Variants in ME3 observed in about 807,000 individuals in gnomAD.
ME3 encodes malic enzyme 3.
Under a neutral mutation model 68.9 loss-of-function variants are expected in ME3, and 48 were observed. The ratio of observed to expected loss-of-function variants is 0.70; its 90% confidence interval spans 0.55 to 0.89. The LOEUF (loss-of-function observed/expected upper bound fraction) is 0.89, where lower values mean the gene tolerates loss of function less well. ME3 is among the 40% of genes least tolerant of loss of function. The pLI, the probability that ME3 is intolerant of heterozygous loss-of-function variation, is 0.00. For missense variants in ME3, 675 were observed against 797.4 expected, an observed-to-expected ratio of 0.85 and a Z score of 1.85; for synonymous variants, 320 against 318.8, an observed-to-expected ratio of 1.00 and a Z score of -0.04.
intron 2 of ME3, among the ~76,000 whole-genome samples, chr11:86,597,978 C>T (rs1375161423): frequency 3.3e-5 from 5 of 151,998 alleles, no homozygotes; most frequent in East Asian, 1.9e-4. Flanking sequence ...CCAAGATGGC[C>T]GAATAGGAAC....
chr11:86,441,214 A>G, exon 15 of ME3: 1 of 1,361,200 alleles, frequency 7.3e-7, no homozygotes, highest in Non-Finnish European at 9.7e-7. Context: ...CCATTTTGGA[A>G]CCCATTTATA....
chr11:86,532,369 C>A (rs1334743845), intron 4 of ME3, among the ~76,000 whole-genome samples: 1 of 152,142 alleles, frequency 6.6e-6, no homozygotes, highest in East Asian at 1.9e-4. Flanking sequence ...CAAAATGGAT[C>A]TACAGATATA....
intron 12 of ME3, 133 bp downstream of exon 12, chr11:86,446,932 G>A: frequency 6.5e-6 from 8 of 1,235,242 alleles, no homozygotes; most frequent in Non-Finnish European, 8.8e-6. Flanking sequence ...TTGACCTTGG[G>A]CATGTTACTT....
intron 9 of ME3, 88 bp from the exon 10 acceptor site, chr11:86,450,090 TC>T (rs1344622252): frequency 3.6e-5 from 42 of 1,172,168 alleles, no homozygotes; most frequent in Non-Finnish European, 4.8e-5. Flanking sequence ...GACCCCCTTT[TC>T]TTTCCCCCAC....
intron 2 of ME3, chr11:86,667,603 T>C (rs1445102821): frequency 6.6e-6 from 1 of 152,184 alleles, no homozygotes; most frequent in Non-Finnish European, 1.5e-5. Context: ...AGACAGAGTG[T>C]CTGTCCCCAT....
intron 2 of ME3, among the ~76,000 whole-genome samples, chr11:86,638,243 TC>T (rs2135366060): frequency 6.6e-6 from 1 of 152,232 alleles, no homozygotes; most frequent in South Asian, 2.1e-4. Flanking sequence ...ACTGGAAACT[TC>T]CTCCTAAATG....
intron 2 of ME3, among the ~76,000 whole-genome samples, chr11:86,652,612 A>C (rs1945530176): frequency 2.6e-5 from 4 of 152,110 alleles, no homozygotes; most frequent in Admixed American, 2.0e-4. Flanking sequence ...CATGGAAAGG[A>C]ACAACCAGTA....
chr11:86,602,799 A>G (rs1247713277), intron 2 of ME3, among the ~76,000 whole-genome samples: 9 of 152,178 alleles, frequency 5.9e-5, no homozygotes, highest in Non-Finnish European at 1.3e-4. Flanking sequence ...AACGCCACAT[A>G]TCTACAACTA....
intron 7 of ME3, among the ~76,000 whole-genome samples, chr11:86,482,832 C>G (rs1468531147): frequency 6.6e-6 from 1 of 152,004 alleles, no homozygotes; most frequent in Admixed American, 6.5e-5. Flanking sequence ...GAGCCCGCTC[C>G]CAGCTAGTTA....
chr11:86,598,515 G>C (rs1358304519), intron 2 of ME3, among the ~76,000 whole-genome samples: 1 of 152,204 alleles, frequency 6.6e-6, no homozygotes, highest in East Asian at 1.9e-4. Context: ...TCCACCTCTG[G>C]GGGCAGGGCA....
chr11:86,606,359 G>A (rs1156315991), intron 2 of ME3, among the ~76,000 whole-genome samples: 3 of 150,076 alleles, frequency 2.0e-5, no homozygotes, highest in Non-Finnish European at 4.4e-5. Context: ...TCTCAGGGAC[G>A]TGCCTCATCA....
intron 2 of ME3, among the ~76,000 whole-genome samples, chr11:86,654,016 G>A (rs1228222766): frequency 2.0e-5 from 3 of 152,018 alleles, no homozygotes; most frequent in Admixed American, 6.6e-5. Flanking sequence ...TAAATTCCTC[G>A]ACACATACAC....
chr11:86,511,570 T>G (rs1395847066), intron 4 of ME3, among the ~76,000 whole-genome samples: 1 of 152,210 alleles, frequency 6.6e-6, no homozygotes, highest in Non-Finnish European at 1.5e-5. Context: ...CTAATTTAAC[T>G]TTGAAGCAAG....
In ME3 at chr11:86,450,413, C is replaced by T. The variant is rs780322318; in HGVS notation, c.920-15G>A. On this transcript the variant is annotated splice_polypyrimidine_tract_variant and intron_variant, in intron 8 of 14. Coordinates refer to ENST00000543262, the Ensembl canonical transcript of ME3. Reference sequence around the variant, plus strand: ...GGAGGCTGTGCCTGAAACAGAGTGGCCTGAGATCAACCTCTGGCCACAGGC... The same window carrying T: ...GGAGGCTGTGCCTGAAACAGAGTGGTCTGAGATCAACCTCTGGCCACAGGC... 3 of 1,611,180 alleles carry T rather than the reference C, an allele frequency of 1.9e-6. No individual in the cohort carries two copies. The highest frequency in any genetic ancestry group is 1.7e-6 in the Non-Finnish European group (2 of 1,177,884).
At chr11:86,526,951 A>C (rs1954802531) in intron 4 of ME3, among the ~76,000 whole-genome samples, 1 of 152,244 alleles carries the variant, frequency 6.6e-6, no homozygotes, top group South Asian at 2.1e-4. Context: ...TCTAAAAATC[A>C]GAGTGCCTCT....
rs929623766 is a variant in ME3, at chr11:86,672,332, C to T, written c.-23G>A. On this transcript the variant is annotated 5_prime_UTR_variant, in exon 1 of 15. Transcript: ENST00000543262. ...CTCCTTCCCTGGCCCACCTGCGCTG[C>T]TCGGGGAGCTGAGGTCTACGCGGTC... 1.1e-5 allele frequency: 2 copies of T among 184,986 alleles called. 1 individual carries two copies. The highest frequency in any genetic ancestry group is 3.8e-4 in the South Asian group (2 of 5,262). 11.5% of individuals were successfully genotyped at this position (184,986 alleles called of 1,614,324 possible). A position where few individuals can be genotyped will look rare whatever the true frequency, so the allele number is the denominator to read the frequency against.
intron 4 of ME3, among the ~76,000 whole-genome samples, chr11:86,519,752 C>T (rs1954135803): frequency 6.6e-6 from 1 of 152,224 alleles, no homozygotes; most frequent in African/African-American, 2.4e-5. Context: ...AGCAAGAAAA[C>T]ATAGCTAGGT....
chr11:86,582,449 G>A (rs1958494234), intron 2 of ME3, among the ~76,000 whole-genome samples: 1 of 152,174 alleles, frequency 6.6e-6, no homozygotes, highest in African/African-American at 2.4e-5. Flanking sequence ...ATGAGAAACT[G>A]CACCAGAAGA....
At chr11:86,467,858 A>AT (rs1950573355) in intron 7 of ME3, among the ~76,000 whole-genome samples, 1 of 152,250 alleles carries the variant, frequency 6.6e-6, no homozygotes, top group South Asian at 2.1e-4. Context: ...GAGCAATTTG[A>AT]TGGAATATAG....
Sources: gnomAD v4.1 joint callset for allele counts (sites outside exome capture counted in the v4.1 genomes callset) on GRCh38, gnomAD v4.1.1 for gene constraint, MANE v1.5 for transcripts, NCBI Gene and HGNC (gene_info 2026-07-23, HGNC 2026-07-21) for gene names.